Variants in LGR4 observed in about 807,000 individuals in gnomAD.
LGR4 encodes leucine-rich repeat-containing G protein-coupled receptor 4.
In LGR4, 44 loss-of-function variants were observed where a neutral mutation model predicts 84.8. The observed-to-expected ratio is 0.52, with a 90% CI of 0.41 to 0.67. The LOEUF (loss-of-function observed/expected upper bound fraction) is 0.67, where lower values mean the gene tolerates loss of function less well. Ranked by LOEUF, LGR4 falls within the 30% of genes least tolerant of loss-of-function variation. The pLI, the probability that LGR4 is intolerant of heterozygous loss-of-function variation, is 0.00. For missense variants in LGR4, 1,032 were observed against 1,131.4 expected, an observed-to-expected ratio of 0.91 and a Z score of 1.26; for synonymous variants, 429 against 434.3, an observed-to-expected ratio of 0.99 and a Z score of 0.15.
In LGR4 at chr11:27,368,920, G is replaced by A; in HGVS notation, c.1803C>T (p.Ser601=). ...TGCCAAATTCAGCGAATCTGCCCCAGGACACAGCATCAAGAAAAGTTAGGA... is the reference window on the plus strand; with the variant it reads ...TGCCAAATTCAGCGAATCTGCCCCAAGACACAGCATCAAGAAAAGTTAGGA... The part of the protein sequence containing the change: ...TGILTFLDAV[S]WGRFAEFGIW... The change falls in exon 18 of 18, where the codon TCC becomes TCT. Residue 601 remains serine, a synonymous_variant. Transcript: ENST00000379214. 1 of 1,614,100 alleles carries A rather than the reference G, an allele frequency of 6.2e-7. No individual in the cohort carries two copies. Among genetic ancestry groups the A allele is most frequent in the Non-Finnish European group, 8.5e-7 (1 of 1,180,006 alleles).
At chr11:27,436,371 A>AAG (rs543548414) in intron 1 of LGR4, among the ~76,000 whole-genome samples, 5 of 139,898 alleles carry the variant, frequency 3.6e-5, no homozygotes, top group Non-Finnish European at 6.1e-5. Context: ...GAAAGAAAGA[A>AAG]AGAGAGAGAG....
chr11:27,446,250 G>A (rs1864388060), intron 1 of LGR4, among the ~76,000 whole-genome samples: 1 of 152,164 alleles, frequency 6.6e-6, no homozygotes, highest in Non-Finnish European at 1.5e-5. Flanking sequence ...TCACTCTGAT[G>A]GTAGTTTCTT....
intron 13 of LGR4, among the ~76,000 whole-genome samples, chr11:27,375,310 A>G (rs1050794080): frequency 6.6e-6 from 1 of 151,418 alleles, no homozygotes; most frequent in Non-Finnish European, 1.5e-5. Context: ...AAAAAAAAAA[A>G]AAAGAAAAAG....
At chr11:27,400,621 GC>G (rs1863481484) in intron 2 of LGR4, among the ~76,000 whole-genome samples, 1 of 151,618 alleles carries the variant, frequency 6.6e-6, no homozygotes, top group South Asian at 2.1e-4. Context: ...CCTTGCCTCA[GC>G]CTCTTGAGTA....
At chr11:27,467,837 G>C (rs557049267) in intron 1 of LGR4, among the ~76,000 whole-genome samples, 452 of 152,250 alleles carry the variant, frequency 3.0e-3, no homozygotes, top group African/African-American at 0.01. Context: ...TATACTTAAA[G>C]ATATTCATAC....
At chr11:27,416,664 A>T (rs974886424) in intron 1 of LGR4, among the ~76,000 whole-genome samples, 1 of 152,200 alleles carries the variant, frequency 6.6e-6, no homozygotes, top group Non-Finnish European at 1.5e-5. Context: ...GGAGACAAAG[A>T]TTTTAAGCTG....
At position 27,376,349 on chromosome 11, in the gene LGR4, G is replaced by C; in HGVS notation, c.1131C>G (p.Ile377Met). The C allele has an allele frequency of 1.9e-6, 3 of 1,567,328 alleles. No individual in the cohort carries two copies. ...LEEISLQRNQ[I>M]YQIKEGTFQG... Reference sequence around the variant, plus strand: ...GAAAGGTGCCTTCCTTTATTTGGTAGATTTGATTACGCTGTAAAGAACTAA... The same window carrying C: ...GAAAGGTGCCTTCCTTTATTTGGTACATTTGATTACGCTGTAAAGAACTAA... The change falls in exon 13 of 18, where the codon ATC becomes ATG. Residue 377 changes from isoleucine to methionine, a missense_variant. Physicochemically the swap from Ile to Met is conservative, Grantham distance 10. Coordinates refer to ENST00000379214, the MANE Select transcript of LGR4 (RefSeq NM_018490.5).
intron 10 of LGR4, among the ~76,000 whole-genome samples, chr11:27,379,773 C>T (rs1367769601): frequency 1.3e-5 from 2 of 152,196 alleles, no homozygotes; most frequent in Non-Finnish European, 2.9e-5. Flanking sequence ...AAGTCTAATA[C>T]CAAACAATTC....
At chr11:27,460,286 G>T (rs548603335) in intron 1 of LGR4, among the ~76,000 whole-genome samples, 1 of 152,124 alleles carries the variant, frequency 6.6e-6, no homozygotes, top group Non-Finnish European at 1.5e-5. Context: ...AACCTTTAAA[G>T]GTCATTGCAG....
At chr11:27,404,509 C>T (rs1863565279) in intron 2 of LGR4, among the ~76,000 whole-genome samples, 1 of 152,176 alleles carries the variant, frequency 6.6e-6, no homozygotes, top group South Asian at 2.1e-4. Context: ...TGCCTAGTCC[C>T]TAGATCCTAG....
chr11:27,377,556 A>C (rs1480082634), intron 11 of LGR4, among the ~76,000 whole-genome samples: 1 of 151,870 alleles, frequency 6.6e-6, no homozygotes, highest in Admixed American at 6.6e-5. Flanking sequence ...AAATATATAA[A>C]ATTTAAGTGG....
chr11:27,396,922 T>G (rs1434683784), intron 2 of LGR4, among the ~76,000 whole-genome samples: 1 of 152,126 alleles, frequency 6.6e-6, no homozygotes, highest in East Asian at 1.9e-4. Context: ...CGTGTTCTGT[T>G]TCCAAAGACC....
In LGR4 at chr11:27,368,043, C is replaced by T; in HGVS notation, c.2680G>A (p.Gly894Ser). 1.9e-6 allele frequency: 3 copies of T among 1,614,106 alleles called. No individual in the cohort carries two copies. Among genetic ancestry groups the T allele is most frequent in the Non-Finnish European group, 2.5e-6 (3 of 1,179,996 alleles). The change falls in exon 18 of 18, where the codon GGC (glycine) becomes AGC (serine). Residue 894 changes from glycine (G) to serine (S), a missense_variant. Gly to Ser is a moderately conservative substitution (Grantham distance 56, BLOSUM62 0). Transcript: ENST00000379214. ...TGTGTGCCACAGTCGGACCAGTAGC[C>T]CTCAGGTCTTTGGCAAGAAGCCACT... ...LAVASCQRPE[G>S]YWSDCGTQSA...
intron 4 of LGR4, among the ~76,000 whole-genome samples, chr11:27,390,667 T>G (rs1863267121): frequency 6.6e-6 from 1 of 152,192 alleles, no homozygotes; most frequent in Admixed American, 6.5e-5. Context: ...CTTTTTCATT[T>G]TTTCCGAGAA....
chr11:27,421,483 G>C (rs1237119067), intron 1 of LGR4, among the ~76,000 whole-genome samples: 1 of 152,180 alleles, frequency 6.6e-6, no homozygotes, highest in Non-Finnish European at 1.5e-5. Context: ...CACTCTTGAT[G>C]AAGCAATACA....
intron 1 of LGR4, among the ~76,000 whole-genome samples, chr11:27,438,590 T>C (rs1242747698): frequency 6.6e-6 from 1 of 152,228 alleles, no homozygotes; most frequent in Non-Finnish European, 1.5e-5. Context: ...AGGGTGTTTC[T>C]GGATGAGATG....
Position 27,369,052 on chromosome 11 carries a change from C to T in LGR4, c.1671G>A (p.Leu557=), listed in dbSNP as rs1334255923. Reference sequence around the variant, plus strand: ...ATGCAAATGTTGTTAAAATAACAAGCAGGTTGAAAAATAATGCAACCAAGA... The same window carrying T: ...ATGCAAATGTTGTTAAAATAACAAGTAGGTTGAAAAATAATGCAACCAAGA... ...FIFLVALFFN[L]LVILTTFASC... The change falls in exon 18 of 18, where the codon CTG becomes CTA. Residue 557 remains leucine, a synonymous_variant. Transcript: ENST00000379214. 2 of 1,613,630 alleles carry T rather than the reference C, an allele frequency of 1.2e-6. No individual in the cohort carries two copies. Among genetic ancestry groups the T allele is most frequent in the Non-Finnish European group, 1.7e-6 (2 of 1,179,828 alleles).
chr11:27,412,907 C>A (rs763248093), intron 1 of LGR4, 47 bp from the exon 2 acceptor site: 2 of 1,267,076 alleles, frequency 1.6e-6, no homozygotes, highest in South Asian at 2.4e-5. Context: ...TGGTATGAAG[C>A]TTAAAGTATT....
At chr11:27,413,058 A>C (rs904457114) in intron 1 of LGR4, among the ~76,000 whole-genome samples, 198 bp from the exon 2 acceptor site, 1 of 152,164 alleles carries the variant, frequency 6.6e-6, no homozygotes, top group Non-Finnish European at 1.5e-5. Flanking sequence ...ATTATGTCCC[A>C]TAATTTAGAA....
Sources: gnomAD v4.1 joint callset for allele counts (sites outside exome capture counted in the v4.1 genomes callset) on GRCh38, gnomAD v4.1.1 for gene constraint, MANE v1.5 for transcripts, NCBI Gene and HGNC (gene_info 2026-07-23, HGNC 2026-07-21) for gene names.